CTNNA3: variants seen among roughly 807,000 people sequenced by gnomAD.
CTNNA3 encodes catenin alpha 3.
A neutral mutation model predicts 95.7 loss-of-function variants in CTNNA3; 76 were observed. That is an observed-to-expected ratio of 0.79 (90% CI 0.66 to 0.96). CTNNA3 has a LOEUF of 0.96. CTNNA3 is among the 40% of genes least tolerant of loss of function. The pLI is 0.00. For synonymous variants in CTNNA3, 431 were observed against 374.4 expected (o/e 1.15, Z -1.74); for missense variants, 1,191 against 1,089.8 (o/e 1.09, Z -1.31).
intron 5 of CTNNA3, among the ~76,000 whole-genome samples, chr10:67,268,354 T>TAAATA (rs1270283470): frequency 4.1e-5 from 6 of 147,248 alleles, no homozygotes; most frequent in Non-Finnish European, 6.0e-5. Context: ...TAAATTAAAT[T>TAAATA]AAATAAATAA....
At chr10:66,899,498 G>A (rs1381670149) in intron 7 of CTNNA3, among the ~76,000 whole-genome samples, 1 of 152,154 alleles carries the variant, frequency 6.6e-6, no homozygotes, top group Non-Finnish European at 1.5e-5. Flanking sequence ...ATTGGGACTG[G>A]TTGGACAGTG....
chr10:67,698,874 C>T (rs1841010025), upstream of CTNNA3, among the ~76,000 whole-genome samples: 1 of 152,046 alleles, frequency 6.6e-6, no homozygotes, highest in Admixed American at 6.6e-5. Flanking sequence ...TTCTCACTCT[C>T]CCTTCCCAAC....
chr10:67,143,123 A>T (rs895345656), intron 7 of CTNNA3, among the ~76,000 whole-genome samples: 2 of 151,040 alleles, frequency 1.3e-5, no homozygotes, highest in Non-Finnish European at 3.0e-5. Flanking sequence ...TGCTGCATCG[A>T]TTGACTCTTT....
At chr10:67,584,780 C>T (rs762290526) in intron 3 of CTNNA3, among the ~76,000 whole-genome samples, 2 of 152,206 alleles carry the variant, frequency 1.3e-5, no homozygotes, top group African/African-American at 2.4e-5. Flanking sequence ...GATGTCCCTC[C>T]CTGAGCCTCA....
In CTNNA3 at chr10:67,324,685, A is replaced by C. The variant is rs185930109; in HGVS notation, c.580-104815T>G. Among the ~76,000 whole-genome samples the C allele has an allele frequency of 1.7e-4, 25 of 150,436 alleles. No individual in the cohort carries two copies. The East Asian group carries it at 4.5e-3, about 27-fold the overall frequency. ...TGCATCAATGTTCTTCAAGGATATTAGTCTGAAATTTTCTCCTTTTTTTTT... is the reference window on the plus strand; with the variant it reads ...TGCATCAATGTTCTTCAAGGATATTCGTCTGAAATTTTCTCCTTTTTTTTT... On this transcript the variant is annotated intron_variant, in intron 5 of 17. Coordinates refer to ENST00000433211, the MANE Select transcript of CTNNA3 (RefSeq NM_013266.4).
At position 66,309,641 on chromosome 10, in the gene CTNNA3, G is replaced by C. The variant is rs1270149745; in HGVS notation, c.1733-29020C>G. On this transcript the variant is annotated intron_variant, in intron 12 of 17. Transcript: ENST00000433211. ...GCGGAGCTTGCAGTGAGCTGAGATC[G>C]CGCCACTGCACTCCAGCCTAGGCGG... Among the ~76,000 whole-genome samples the C allele has an allele frequency of 2.3e-5, 3 of 129,472 alleles. No homozygotes were observed. In the Admixed American group the frequency reaches 3.0e-4, roughly 13 times the overall value. 84.9% of individuals were successfully genotyped at this position (129,472 alleles called of 152,430 possible).
At chr10:67,202,541 G>A (rs1162901766) in intron 6 of CTNNA3, among the ~76,000 whole-genome samples, 1 of 151,866 alleles carries the variant, frequency 6.6e-6, no homozygotes, top group South Asian at 2.1e-4. Flanking sequence ...AATTAAAGCT[G>A]GAATTCGCAA....
chr10:66,186,948 T>C (rs920574879), intron 13 of CTNNA3, among the ~76,000 whole-genome samples: 2 of 152,132 alleles, frequency 1.3e-5, no homozygotes, highest in African/African-American at 4.8e-5. Context: ...ACATGAAGTT[T>C]TGTGATGTTT....
intron 10 of CTNNA3, among the ~76,000 whole-genome samples, chr10:66,616,592 T>G (rs149697591): frequency 9.9e-4 from 150 of 152,184 alleles, no homozygotes; most frequent in African/African-American, 3.5e-3. Flanking sequence ...TGACAAATCT[T>G]TTTTGAAGGG....
intron 15 of CTNNA3, among the ~76,000 whole-genome samples, chr10:65,991,475 T>A (rs2078544619): frequency 6.6e-6 from 1 of 151,974 alleles, no homozygotes; most frequent in South Asian, 2.1e-4. Flanking sequence ...AGAGGTTGGT[T>A]CTTGTTTGGT....
At chr10:67,124,427 TAAAC>T (rs933882280) in intron 7 of CTNNA3, among the ~76,000 whole-genome samples, 6 of 118,280 alleles carry the variant, frequency 5.1e-5, no homozygotes, top group Middle Eastern at 4.4e-3. Context: ...CTCCCAATCA[TAAAC>T]AAATCTATAT....
intron 9 of CTNNA3, among the ~76,000 whole-genome samples, chr10:66,696,812 G>T (rs750833974): frequency 3.2e-4 from 48 of 152,054 alleles, no homozygotes; most frequent in South Asian, 8.3e-4. Flanking sequence ...GGTGGTGTGC[G>T]CCTGTAGTCC....
chr10:67,372,647 G>A (rs1271109425), intron 5 of CTNNA3, among the ~76,000 whole-genome samples: 2 of 152,218 alleles, frequency 1.3e-5, no homozygotes, highest in East Asian at 3.9e-4. Flanking sequence ...TACTCCTCGA[G>A]AAGAGCAACT....
chr10:66,649,830 G>T (rs1215338001), intron 9 of CTNNA3, among the ~76,000 whole-genome samples: 1 of 152,168 alleles, frequency 6.6e-6, no homozygotes, highest in African/African-American at 2.4e-5. Context: ...GCATAAGCCT[G>T]ACCCAGGACC....
intron 12 of CTNNA3, among the ~76,000 whole-genome samples, chr10:66,325,631 G>C (rs1043623275): frequency 6.6e-6 from 1 of 152,054 alleles, no homozygotes; most frequent in Non-Finnish European, 1.5e-5. Flanking sequence ...CATCTCCCCT[G>C]CAAGCAAATC....
intron 9 of CTNNA3, among the ~76,000 whole-genome samples, chr10:66,688,688 C>A (rs557074484): frequency 6.6e-6 from 1 of 152,148 alleles, no homozygotes; most frequent in Non-Finnish European, 1.5e-5. Context: ...AGAGCAGAGA[C>A]CGGCCGGGCG....
rs2077059452 is a variant in CTNNA3 at position 65,920,154 on chromosome 10, A to G, written c.*176T>C. The G allele has an allele frequency of 1.7e-6, 1 of 604,390 alleles. No homozygotes were observed. The highest frequency in any genetic ancestry group is 2.8e-5 in the East Asian group (1 of 36,288). The allele number at this position is 604,390 out of a possible 1,614,324, so 37.4% of individuals were successfully genotyped here. On this transcript the variant is annotated 3_prime_UTR_variant, in exon 18 of 18. Transcript: ENST00000433211. ...ATTAGGTGCTGACCATACAGAAATGACAGTGATATGATCCCAAATATATAT... is the reference window on the plus strand; with the variant it reads ...ATTAGGTGCTGACCATACAGAAATGGCAGTGATATGATCCCAAATATATAT...
At chr10:66,014,339 T>C (rs184224101) in intron 15 of CTNNA3, among the ~76,000 whole-genome samples, 15 of 146,156 alleles carry the variant, frequency 1.0e-4, no homozygotes, top group Non-Finnish European at 1.5e-4. Flanking sequence ...GTAGCTTCAA[T>C]GGGTGCCATT....
chr10:66,581,541 G>A (rs1843189190), intron 10 of CTNNA3, among the ~76,000 whole-genome samples: 1 of 151,228 alleles, frequency 6.6e-6, no homozygotes, highest in Non-Finnish European at 1.5e-5. Flanking sequence ...TTGACCATTT[G>A]TATATTTTTT....
Sources: gnomAD v4.1 joint callset for allele counts (sites outside exome capture counted in the v4.1 genomes callset) on GRCh38, gnomAD v4.1.1 for gene constraint, MANE v1.5 for transcripts, NCBI Gene and HGNC (gene_info 2026-07-23, HGNC 2026-07-21) for gene names.